The following NWD1 variants were observed in gnomAD, a reference collection of about 807,000 sequenced individuals.
NWD1 encodes the protein NACHT domain- and WD repeat-containing protein 1.
NWD1 carries 129 observed loss-of-function variants against 135.1 expected under a neutral mutation model. That is an observed-to-expected ratio of 0.96 (90% CI 0.83 to 1.11). The LOEUF is 1.11. Among genes scored for constraint, NWD1 ranks in the 50% least tolerant of loss-of-function variants. The pLI is 0.00. For missense variants in NWD1, 1,740 were observed against 1,851.3 expected (o/e 0.94, Z 1.10); for synonymous variants, 773 against 786.0 (o/e 0.98, Z 0.28).
In NWD1 at chr19:16,736,611, A is replaced by G. The variant is rs776481826; in HGVS notation, c.82-23A>G. The G allele has an allele frequency of 2.8e-6, 4 of 1,416,618 alleles. No homozygotes were observed. The African/African-American group carries it at 5.7e-5, about 20-fold the overall frequency. The allele number at this position is 1,416,618 out of a possible 1,614,324, so 87.8% of individuals were successfully genotyped here. On this transcript the variant is annotated intron_variant, in intron 3 of 18. Coordinates refer to ENST00000524140, the MANE Select transcript of NWD1 (RefSeq NM_001007525.5). ...TCACCTGTCATGCCACCTCTCTGAC[A>G]AACTTGTGTTTCTATTTCCCAGGTC...
At chr19:16,730,899 T>TTTTC (rs1030548087) in intron 2 of NWD1, among the ~76,000 whole-genome samples, 6 of 141,282 alleles carry the variant, frequency 4.2e-5, no homozygotes, top group African/African-American at 1.3e-4. Flanking sequence ...TTTTTTTTAT[T>TTTTC]TTTCTTTCTT....
At chr19:16,780,080 G>T (rs1297246199) in intron 12 of NWD1, among the ~76,000 whole-genome samples, 1 of 152,012 alleles carries the variant, frequency 6.6e-6, no homozygotes, top group African/African-American at 2.4e-5. Context: ...TTCAAATGAG[G>T]CAACTCAACT....
intron 18 of NWD1, among the ~76,000 whole-genome samples, chr19:16,812,307 C>A (rs1057507224): frequency 8.6e-5 from 13 of 151,178 alleles, no homozygotes; most frequent in African/African-American, 3.2e-4. Flanking sequence ...TAAAAAAAAA[C>A]AAAAACAAAA....
At chr19:16,768,296 AAGAATTTCCTTCCTTTTCAAG>A (rs1440299442) in intron 10 of NWD1, among the ~76,000 whole-genome samples, 60 of 139,458 alleles carry the variant, frequency 4.3e-4, no homozygotes, top group African/African-American at 2.0e-3. Context: ...ATGCCTGGCT[AAGAATTTCCTTCCTTTTCAAG>A]GCTAAGAATT....
At chr19:16,720,904 G>A (rs1367165778) in intron 1 of NWD1, among the ~76,000 whole-genome samples, 6 of 151,946 alleles carry the variant, frequency 3.9e-5, no homozygotes, top group South Asian at 4.2e-4. Flanking sequence ...AGGCTGGAGC[G>A]CAGTGGCACG....
At chr19:16,776,227 A>C (rs1221172184) in intron 11 of NWD1, among the ~76,000 whole-genome samples, 1 of 151,982 alleles carries the variant, frequency 6.6e-6, no homozygotes, top group East Asian at 1.9e-4. Context: ...AGTTCTGTTA[A>C]AGTTGAGAAA....
intron 3 of NWD1, among the ~76,000 whole-genome samples, chr19:16,732,673 A>AAAAAAAAAG (rs1967627335): frequency 7.0e-6 from 1 of 142,964 alleles, no homozygotes; most frequent in Non-Finnish European, 1.5e-5. Flanking sequence ...AAAAAAAGAA[A>AAAAAAAAAG]AAGTGAAAAA....
At chr19:16,808,223 G>A in intron 18 of NWD1, 87 bp downstream of exon 18, 1 of 1,270,968 alleles carries the variant, frequency 7.9e-7, no homozygotes, top group East Asian at 2.4e-5. Context: ...ACACACCATG[G>A]GCCATCGACC....
chr19:16,803,050 T>C (rs1599557430), intron 17 of NWD1, among the ~76,000 whole-genome samples: 1 of 151,938 alleles, frequency 6.6e-6, no homozygotes, highest in Non-Finnish European at 1.5e-5. Context: ...CTCACAATCA[T>C]GGCAGAAGGC....
chr19:16,811,128 T>C (rs752567832), intron 18 of NWD1, among the ~76,000 whole-genome samples: 3 of 152,210 alleles, frequency 2.0e-5, no homozygotes, highest in Non-Finnish European at 4.4e-5. Context: ...CCAGCCTTTA[T>C]TGGAATCTTA....
intron 11 of NWD1, among the ~76,000 whole-genome samples, chr19:16,774,306 A>G (rs77031525): frequency 0.03 from 4,463 of 147,136 alleles, 184 homozygotes; most frequent in African/African-American, 0.1. Context: ...CCATCAATTC[A>G]TCTATCAAAC....
intron 6 of NWD1, among the ~76,000 whole-genome samples, chr19:16,753,864 TCCATTCA>T (rs1968676144): frequency 2.1e-5 from 3 of 140,982 alleles, no homozygotes; most frequent in South Asian, 5.2e-4. Flanking sequence ...CATCCATCCA[TCCATTCA>T]TCAATTCGAC....
In NWD1 at chr19:16,816,402, G is replaced by A. The variant is rs1971069051; in HGVS notation, c.*1363G>A. 1.3e-5 allele frequency: 2 copies of A among 151,150 alleles called. No individual in the cohort carries two copies. The highest frequency in any genetic ancestry group is 6.5e-5 in the Admixed American group (1 of 15,270). The allele number at this position is 151,150 out of a possible 1,614,324, so 9.4% of individuals were successfully genotyped here. ...TTAATGAGCTGACTTCAGGACTCAC[G>A]CTGGCAGTAAAACAATCAACATGTT... On this transcript the variant is annotated 3_prime_UTR_variant, in exon 19 of 19. Transcript: ENST00000524140.
chr19:16,812,705 A>G (rs1321239246), intron 18 of NWD1: 1 of 779,632 alleles, frequency 1.3e-6, no homozygotes, highest in Non-Finnish European at 2.4e-6. Context: ...CAAACAAAAA[A>G]CCCAAGAAAA....
At chr19:16,791,649 G>A in intron 14 of NWD1, 27 bp downstream of exon 14, 1 of 1,606,790 alleles carries the variant, frequency 6.2e-7, no homozygotes, top group Non-Finnish European at 8.5e-7. Flanking sequence ...ACTATGATGT[G>A]AACATTAACT....
At position 16,720,023 on chromosome 19, in the gene NWD1, G is replaced by C. The variant is rs1430460029; in HGVS notation, c.-375G>C. On this transcript the variant is annotated 5_prime_UTR_variant, in exon 1 of 19. Coordinates refer to ENST00000524140, the MANE Select transcript of NWD1 (RefSeq NM_001007525.5). ...AACTACCAGCAAAGGCTAAAGAGAGGCTGGAGCCCCCAGGACAGCCAGAAC... is the reference window on the plus strand; with the variant it reads ...AACTACCAGCAAAGGCTAAAGAGAGCCTGGAGCCCCCAGGACAGCCAGAAC... 2 of 152,258 alleles carry C rather than the reference G, an allele frequency of 1.3e-5. No homozygotes were observed. Among genetic ancestry groups the C allele is most frequent in the African/African-American group, 4.8e-5 (2 of 41,464 alleles). The allele number at this position is 152,258 out of a possible 1,614,324, so 9.4% of individuals were successfully genotyped here. A position where few individuals can be genotyped will look rare whatever the true frequency, so the allele number is the denominator to read the frequency against.
intron 13 of NWD1, among the ~76,000 whole-genome samples, chr19:16,790,914 T>C (rs1009369675): frequency 6.6e-6 from 1 of 152,120 alleles, no homozygotes; most frequent in African/African-American, 2.4e-5. Context: ...TCTCCTTTTT[T>C]TCTCTGAATT....
chr19:16,765,920 G>A (rs1969203915), intron 10 of NWD1, among the ~76,000 whole-genome samples: 1 of 151,480 alleles, frequency 6.6e-6, no homozygotes, highest in Non-Finnish European at 1.5e-5. Flanking sequence ...GGGAGGCTGA[G>A]GCAGGAGAAT....
rs1402392698 is a variant in NWD1 at position 16,816,970 on chromosome 19, G to GT, written c.*1932dup. The GT allele has an allele frequency of 6.6e-6, 1 of 152,156 alleles. No homozygotes were observed. The allele number at this position is 152,156 out of a possible 1,614,324, so 9.4% of individuals were successfully genotyped here. ...AAGATTACTAAGGTTGGTGCAAAAA[G>GT]TAACTGTGGTTTTCGCCATTAAAAA... On this transcript the variant is annotated 3_prime_UTR_variant, in exon 19 of 19. Coordinates refer to ENST00000524140, the MANE Select transcript of NWD1 (RefSeq NM_001007525.5).
Sources: allele counts gnomAD v4.1 joint callset (sites outside exome capture counted in the v4.1 genomes callset), GRCh38; gene constraint gnomAD v4.1.1; transcripts MANE v1.5; gene names NCBI Gene and HGNC (gene_info 2026-07-23, HGNC 2026-07-21).